CNBD1: variants seen among roughly 807,000 people sequenced by gnomAD.
CNBD1 encodes the protein cyclic nucleotide binding domain containing 1, also known as cyclic nucleotide-binding domain-containing protein 1.
In CNBD1, 71 loss-of-function variants were observed where a neutral mutation model predicts 54.4. The ratio of observed to expected loss-of-function variants is 1.30; its 90% CI spans 1.08 to 1.59. The LOEUF is 1.59. Ranked by LOEUF, CNBD1 falls within the 40% of genes most tolerant of loss-of-function variation. The pLI is 0.00. For missense variants in CNBD1, 659 were observed against 518.0 expected (o/e 1.27, Z -2.64); for synonymous variants, 182 against 170.7 (o/e 1.07, Z -0.51).
rs574023710 is a variant in CNBD1 at position 86,934,810 on chromosome 8, G to T, written c.273-4786G>T. ...TATATTCCCAAATAGCGTAGGCTTT[G>T]TTATCTTCTAAAATTATCCCTGGAT... On this transcript the variant is annotated intron_variant, in intron 3 of 10. Transcript: ENST00000518476. Among the ~76,000 whole-genome samples, 100 of 152,122 alleles carry T rather than the reference G, an allele frequency of 6.6e-4. 1 individual carries two copies. Among genetic ancestry groups the T allele is most frequent in the African/African-American group, 2.4e-3 (99 of 41,500 alleles).
chr8:87,002,511 C>A, intron 4 of CNBD1, among the ~76,000 whole-genome samples: 1 of 152,078 alleles, frequency 6.6e-6, no homozygotes, highest in South Asian at 2.1e-4. Context: ...CTATTCCAGG[C>A]ATGTGGTCTT....
intron 4 of CNBD1, among the ~76,000 whole-genome samples, chr8:87,004,572 G>A (rs1540836): frequency 0.7 from 106,044 of 151,112 alleles, 38,248 homozygotes; most frequent in African/African-American, 0.88. Flanking sequence ...ATTTTACTCT[G>A]AAATCACAGA....
At chr8:87,188,555 C>A (rs1286878505) in intron 4 of CNBD1, among the ~76,000 whole-genome samples, 1 of 151,888 alleles carries the variant, frequency 6.6e-6, no homozygotes, top group Non-Finnish European at 1.5e-5. Flanking sequence ...CATGGCGAAA[C>A]CCCATCTCTA....
chr8:87,107,576 T>C (rs556677301), intron 4 of CNBD1, among the ~76,000 whole-genome samples: 1 of 152,376 alleles, frequency 6.6e-6, no homozygotes, highest in South Asian at 2.1e-4. Context: ...TATTTTGTTT[T>C]ATCTATGAGA....
chr8:87,192,193 A>G (rs1813625997), intron 4 of CNBD1, among the ~76,000 whole-genome samples: 1 of 152,146 alleles, frequency 6.6e-6, no homozygotes, highest in African/African-American at 2.4e-5. Flanking sequence ...ATAAAATTAT[A>G]ATTTTTTTCT....
rs186566570 is a variant in CNBD1 at position 86,927,264 on chromosome 8, A to T, written c.273-12332A>T. Among the ~76,000 whole-genome samples the T allele has an allele frequency of 5.4e-3, 815 of 152,222 alleles. 6 individuals are homozygous for T. The highest frequency in any genetic ancestry group is 0.015 in the Admixed American group (234 of 15,272). The stretch of plus-strand genomic sequence containing the variant: ...AAAAAACCATTTTGTATTTACTAGG[A>T]ACCATTCAAGAGAGTAACTGAAAGA... On this transcript the variant is annotated intron_variant, in intron 3 of 10. Transcript: ENST00000518476.
intron 10 of CNBD1, among the ~76,000 whole-genome samples, chr8:87,378,056 C>T: frequency 7.1e-6 from 1 of 141,084 alleles, no homozygotes; most frequent in East Asian, 2.0e-4. Context: ...GATATTAGCC[C>T]TTTGTCAGAT....
At chr8:87,136,395 C>CTTTT (rs1812227171) in intron 4 of CNBD1, among the ~76,000 whole-genome samples, 1 of 149,034 alleles carries the variant, frequency 6.7e-6, no homozygotes. Context: ...GTGGAAGATA[C>CTTTT]AGGTAGATTT....
intron 4 of CNBD1, among the ~76,000 whole-genome samples, chr8:87,187,178 A>G (rs1444853523): frequency 2.1e-5 from 3 of 144,482 alleles, no homozygotes; most frequent in South Asian, 2.1e-4. Context: ...TTATATAGCT[A>G]TATCTCAATA....
chr8:87,382,390 T>G (rs553727999), intron 10 of CNBD1, among the ~76,000 whole-genome samples: 30 of 152,100 alleles, frequency 2.0e-4, no homozygotes, highest in Non-Finnish European at 1.6e-4. Flanking sequence ...TCACTCCATA[T>G]AATTATAGAA....
intron 4 of CNBD1, among the ~76,000 whole-genome samples, chr8:87,027,559 C>T (rs984237923): frequency 6.6e-6 from 1 of 152,162 alleles, no homozygotes. Flanking sequence ...CATGAGCCAC[C>T]GTGCCTGGCC....
chr8:87,210,217 G>C (rs1456992542), intron 5 of CNBD1, among the ~76,000 whole-genome samples: 2 of 152,220 alleles, frequency 1.3e-5, no homozygotes, highest in African/African-American at 4.8e-5. Flanking sequence ...GTTCAGATAA[G>C]GGAGCAAAGA....
chr8:87,003,526 CCTT>C (rs1477273716), intron 4 of CNBD1, among the ~76,000 whole-genome samples: 5 of 152,096 alleles, frequency 3.3e-5, no homozygotes, highest in African/African-American at 4.8e-5. Flanking sequence ...TTTTGTCAGT[CCTT>C]CTTTGTCAAG....
chr8:87,114,436 C>T lies in CNBD1; in HGVS notation c.432-91557C>T, dbSNP rs562511005. Among the ~76,000 whole-genome samples the T allele has an allele frequency of 8.5e-5, 13 of 152,250 alleles. No homozygotes were observed. The South Asian group carries it at 1.4e-3, about 17-fold the overall frequency. On this transcript the variant is annotated intron_variant, in intron 4 of 10. Transcript: ENST00000518476. ...CTTGATCTTGTCTCACTACAACCTC[C>T]GCCTCCCAGGTTCCAGTGATTCTCC...
chr8:87,056,185 G>A (rs1456137448), intron 4 of CNBD1, among the ~76,000 whole-genome samples: 2 of 152,042 alleles, frequency 1.3e-5, no homozygotes, highest in Non-Finnish European at 2.9e-5. Flanking sequence ...CCTATACAGA[G>A]CCTTTGGGCA....
intron 4 of CNBD1, among the ~76,000 whole-genome samples, chr8:86,974,162 T>C (rs550624858): frequency 6.6e-6 from 1 of 152,066 alleles, no homozygotes; most frequent in Admixed American, 6.6e-5. Flanking sequence ...AATATTCAGC[T>C]TCATAAGTAG....
intron 4 of CNBD1, among the ~76,000 whole-genome samples, chr8:87,122,280 G>T (rs1028566254): frequency 6.6e-6 from 1 of 151,566 alleles, no homozygotes; most frequent in Admixed American, 6.6e-5. Flanking sequence ...ATAATATCTC[G>T]TTTTTAATTT....
At chr8:86,900,296 T>C (rs916162221) in intron 2 of CNBD1, among the ~76,000 whole-genome samples, 1 of 152,228 alleles carries the variant, frequency 6.6e-6, no homozygotes, top group African/African-American at 2.4e-5. Flanking sequence ...TTAATAGTTC[T>C]GTTCTCATGA....
In CNBD1 at chr8:87,355,252, G is replaced by C. The variant is rs538560555; in HGVS notation, c.1303+1466G>C. Among the ~76,000 whole-genome samples, 16 of 152,138 alleles carry C rather than the reference G, an allele frequency of 1.1e-4. 1 individual carries two copies. In the South Asian group the frequency reaches 2.3e-3, roughly 22 times the overall value. ...GCAATATTTCAAAAGACTTTGTTTTGAAATTACTAAAATCTCTCTGCCACT... is the reference window on the plus strand; with the variant it reads ...GCAATATTTCAAAAGACTTTGTTTTCAAATTACTAAAATCTCTCTGCCACT... On this transcript the variant is annotated intron_variant, in intron 10 of 10. Coordinates refer to ENST00000518476, the MANE Select transcript of CNBD1 (RefSeq NM_173538.3).
Sources: allele counts gnomAD v4.1 joint callset (sites outside exome capture counted in the v4.1 genomes callset), GRCh38; gene constraint gnomAD v4.1.1; transcripts MANE v1.5; gene names NCBI Gene and HGNC (gene_info 2026-07-23, HGNC 2026-07-21).